The following NFATC3 variants were observed in gnomAD, a reference collection of about 807,000 sequenced individuals.
NFATC3 encodes nuclear factor of activated T-cells, cytoplasmic 3.
In NFATC3, 46 loss-of-function variants were observed where a neutral mutation model predicts 98.6. The observed-to-expected ratio is 0.47, with a 90% CI of 0.37 to 0.60. The LOEUF is 0.60. Among genes scored for constraint, NFATC3 ranks in the 20% least tolerant of loss-of-function variants. The probability of loss-of-function intolerance (pLI) is 0.00; values close to 1 mark genes in which losing one functional copy is unlikely to be tolerated. For synonymous variants in NFATC3, 512 were observed against 472.2 expected (o/e 1.08, Z -1.09); for missense variants, 1,256 against 1,295.5 (o/e 0.97, Z 0.47).
intron 3 of NFATC3, among the ~76,000 whole-genome samples, chr16:68,132,004 A>G (rs2037137012): frequency 6.6e-6 from 1 of 152,188 alleles, no homozygotes; most frequent in Non-Finnish European, 1.5e-5. Context: ...AACTCTGCAA[A>G]TATGTTGGAA....
intron 1 of NFATC3, chr16:68,089,476 G>A (rs2034583751): frequency 6.0e-6 from 1 of 166,748 alleles, no homozygotes; most frequent in Non-Finnish European, 1.2e-5. Context: ...AGTAGTGGGG[G>A]GTTGTATACC....
chr16:68,098,129 C>A (rs1315411179), intron 1 of NFATC3, among the ~76,000 whole-genome samples: 2 of 151,710 alleles, frequency 1.3e-5, no homozygotes, highest in African/African-American at 4.8e-5. Flanking sequence ...TGGATTGTTT[C>A]CAGGTTTTGG....
At position 68,122,445 on chromosome 16, in the gene NFATC3, A is replaced by G. The variant is rs1354165669; in HGVS notation, c.562A>G (p.Ile188Val). The change falls in exon 2 of 10, where the codon ATT (isoleucine) becomes GTT (valine). Residue 188 changes from isoleucine (I) to valine (V), a missense_variant. Transcript: ENST00000346183. Reference protein sequence around the residue: ...DASSCESLSHIYDDVDSELNE... With the variant: ...DASSCESLSHVYDDVDSELNE... ...ATCTTCTTGTGAATCGCTTTCACAT[A>G]TTTATGATGATGTGGACTCAGAGTT... is the stretch of plus-strand genomic sequence containing the variant. 1.2e-6 allele frequency: 2 copies of G among 1,614,034 alleles called. No individual in the cohort carries two copies. Among genetic ancestry groups the G allele is most frequent in the East Asian group, 2.2e-5 (1 of 44,880 alleles).
intron 1 of NFATC3, among the ~76,000 whole-genome samples, chr16:68,090,353 G>T (rs1273768885): frequency 8.3e-6 from 1 of 119,908 alleles, no homozygotes; most frequent in Admixed American, 1.0e-4. Flanking sequence ...ACACACACAC[G>T]AATAGGCTAG....
At chr16:68,087,589 T>C (rs2034458385) in intron 1 of NFATC3, among the ~76,000 whole-genome samples, 1 of 152,264 alleles carries the variant, frequency 6.6e-6, no homozygotes, top group Non-Finnish European at 1.5e-5. Flanking sequence ...AAACAAACCT[T>C]CTTAAAGTGA....
chr16:68,216,525 G>C (rs191520401), intron 9 of NFATC3, among the ~76,000 whole-genome samples: 3 of 152,086 alleles, frequency 2.0e-5, no homozygotes, highest in Non-Finnish European at 4.4e-5. Flanking sequence ...ACACATAGAA[G>C]AGGTTTTCTT....
In NFATC3 at chr16:68,085,646, G is replaced by A. The variant is rs1481885744; in HGVS notation, c.-36G>A. The A allele has an allele frequency of 8.1e-6, 12 of 1,474,548 alleles. No homozygotes were observed. The highest frequency in any genetic ancestry group is 1.1e-5 in the Non-Finnish European group (12 of 1,113,110). 91.3% of individuals were successfully genotyped at this position (1,474,548 alleles called of 1,614,324 possible). A position where few individuals can be genotyped will look rare whatever the true frequency, so the allele number is the denominator to read the frequency against. On this transcript the variant is annotated 5_prime_UTR_variant, in exon 1 of 10. Coordinates refer to ENST00000346183, the MANE Select transcript of NFATC3 (RefSeq NM_173165.3). ...GCCGCTTGCCGCTGCCGCCGCCGCC[G>A]CCTGAGGAGGAGCTGCAGCACCCTG...
At chr16:68,133,059 A>AGTT (rs1435348488) in intron 3 of NFATC3, among the ~76,000 whole-genome samples, 1 of 152,164 alleles carries the variant, frequency 6.6e-6, no homozygotes, top group African/African-American at 2.4e-5. Flanking sequence ...TGAGGTCAGG[A>AGTT]GTTCGAGAAC....
chr16:68,098,294 ATTATTATTTTTTTTTT>A (rs1379537816), intron 1 of NFATC3, among the ~76,000 whole-genome samples: 28 of 104,420 alleles, frequency 2.7e-4, no homozygotes, highest in South Asian at 1.7e-3. Context: ...TATTATTATT[ATTATTATTTTTTTTTT>A]TTTTTTTTTA....
chr16:68,214,532 G>C, intron 9 of NFATC3: 1 of 943,784 alleles, frequency 1.1e-6, no homozygotes, highest in Non-Finnish European at 1.7e-6. Flanking sequence ...GGGTATGCAC[G>C]GGCATTTTCT....
chr16:68,227,894 C>T lies in NFATC3; in HGVS notation c.*1423C>T, dbSNP rs890724396. On this transcript the variant is annotated 3_prime_UTR_variant, in exon 10 of 10. Transcript: ENST00000346183. ...CAGAGCCTCTGAAGTTTGCAGTATG[C>T]TTTCAAATGAAATAATATACTTCCA... 2 of 151,974 alleles carry T rather than the reference C, an allele frequency of 1.3e-5. No homozygotes were observed. Among genetic ancestry groups the T allele is most frequent in the African/African-American group, 2.4e-5 (1 of 41,356 alleles). The allele number at this position is 151,974 out of a possible 1,614,324, so 9.4% of individuals were successfully genotyped here. A position where few individuals can be genotyped will look rare whatever the true frequency, so the allele number is the denominator to read the frequency against.
chr16:68,150,665 T>C (rs2038271723), intron 3 of NFATC3, among the ~76,000 whole-genome samples: 1 of 152,048 alleles, frequency 6.6e-6, no homozygotes, highest in Admixed American at 6.5e-5. Flanking sequence ...GAAAAATAAA[T>C]ATATAAACTA....
At chr16:68,170,562 G>A (rs2039413155) in intron 5 of NFATC3, among the ~76,000 whole-genome samples, 1 of 145,256 alleles carries the variant, frequency 6.9e-6, no homozygotes, top group Admixed American at 7.0e-5. Flanking sequence ...GCGCAATCTC[G>A]GCTGACTGCA....
chr16:68,218,471 C>A (rs1210797364), intron 9 of NFATC3, among the ~76,000 whole-genome samples: 4 of 135,562 alleles, frequency 3.0e-5, no homozygotes, highest in Non-Finnish European at 6.1e-5. Flanking sequence ...GAGCCAAGAT[C>A]GTGCCACTGC....
chr16:68,213,565 C>T (rs910233549), intron 9 of NFATC3, among the ~76,000 whole-genome samples: 3 of 152,082 alleles, frequency 2.0e-5, no homozygotes, highest in Non-Finnish European at 4.4e-5. Context: ...TGGTGGCTTA[C>T]GCCTGTAATC....
intron 1 of NFATC3, chr16:68,086,794 A>G (rs1488542334): frequency 1.0e-6 from 1 of 985,200 alleles, no homozygotes; most frequent in East Asian, 1.1e-4. Context: ...AGGATTCTCT[A>G]GGCGGTACTT....
intron 4 of NFATC3, among the ~76,000 whole-genome samples, chr16:68,161,554 T>G: frequency 6.6e-6 from 1 of 152,194 alleles, no homozygotes; most frequent in South Asian, 2.1e-4. Context: ...AGGAAAAAAG[T>G]TAGTGTTTCC....
intron 3 of NFATC3, among the ~76,000 whole-genome samples, chr16:68,132,565 G>A (rs369667313): frequency 1.3e-5 from 2 of 152,192 alleles, no homozygotes. Context: ...CCATAGAAGA[G>A]GAAATCAGTA....
intron 9 of NFATC3, among the ~76,000 whole-genome samples, chr16:68,220,594 C>CTT (rs575448565): frequency 0.013 from 1,851 of 139,588 alleles, 37 homozygotes; most frequent in African/African-American, 0.046. Context: ...TTTATTTTTC[C>CTT]TTTTTTTTTT....
Sources: allele counts gnomAD v4.1 joint callset (sites outside exome capture counted in the v4.1 genomes callset), GRCh38; gene constraint gnomAD v4.1.1; transcripts MANE v1.5; gene names NCBI Gene and HGNC (gene_info 2026-07-23, HGNC 2026-07-21).